Variants in CLNK observed in about 807,000 individuals in gnomAD.
The protein encoded by CLNK is cytokine dependent hematopoietic cell linker.
CLNK carries 74 observed loss-of-function variants against 68.6 expected under a neutral mutation model. The observed-to-expected ratio is 1.08, with a 90% CI of 0.89 to 1.31. CLNK has a LOEUF of 1.31. Ranked by LOEUF, CLNK falls within the 50% of genes most tolerant of loss-of-function variation. The probability of loss-of-function intolerance (pLI) is 0.00; values close to 1 mark genes in which losing one functional copy is unlikely to be tolerated. For missense variants in CLNK, 553 were observed against 515.3 expected (o/e 1.07, Z -0.71); for synonymous variants, 198 against 172.2 (o/e 1.15, Z -1.17).
At chr4:10,499,252 G>A (rs531105584) in intron 18 of CLNK, among the ~76,000 whole-genome samples, 2 of 152,338 alleles carry the variant, frequency 1.3e-5, no homozygotes, top group South Asian at 2.1e-4. Context: ...GACAGGGGCA[G>A]GACTTGTGTC....
At chr4:10,687,798 C>T (rs957027642), upstream of CLNK, among the ~76,000 whole-genome samples, 20 of 152,272 alleles carry the variant, frequency 1.3e-4, no homozygotes, top group South Asian at 1.2e-3. Context: ...GACTCCCTTG[C>T]GTTCATCTTC....
At chr4:10,647,228 T>G (rs1477316335) in intron 2 of CLNK, among the ~76,000 whole-genome samples, 1 of 152,178 alleles carries the variant, frequency 6.6e-6, no homozygotes, top group Non-Finnish European at 1.5e-5. Context: ...GATCATTCAT[T>G]TTCTCAACCA....
intron 14 of CLNK, among the ~76,000 whole-genome samples, chr4:10,524,446 AAGTC>A (rs1718218895): frequency 6.6e-6 from 1 of 152,192 alleles, no homozygotes; most frequent in African/African-American, 2.4e-5. Context: ...ACTGCTGAAA[AAGTC>A]AGGCAGCCTG....
chr4:10,520,725 A>G (rs1473529309), intron 15 of CLNK, 66 bp downstream of exon 15: 1 of 1,245,444 alleles, frequency 8.0e-7, no homozygotes, highest in African/African-American at 1.5e-5. Flanking sequence ...CAGCTAAGTC[A>G]CAGTGCCACA....
intron 5 of CLNK, among the ~76,000 whole-genome samples, chr4:10,566,803 G>A (rs1281898830): frequency 6.6e-6 from 1 of 152,122 alleles, no homozygotes; most frequent in Non-Finnish European, 1.5e-5. Flanking sequence ...GGGCAACAGA[G>A]TGAGACCTCA....
chr4:10,733,091 A>G, the CLNK span, among the ~76,000 whole-genome samples: 18 of 152,154 alleles, frequency 1.2e-4, no homozygotes, highest in African/African-American at 4.3e-4. Flanking sequence ...CCTTTCGGTT[A>G]TAGCTGTCAA....
chr4:10,669,102 C>T (rs866565258), intron 1 of CLNK, among the ~76,000 whole-genome samples: 5 of 152,154 alleles, frequency 3.3e-5, no homozygotes, highest in African/African-American at 4.8e-5. Context: ...ACTGAGCCTT[C>T]GGCATTTTTA....
intron 16 of CLNK, among the ~76,000 whole-genome samples, chr4:10,509,929 T>C (rs1307638577): frequency 6.6e-6 from 1 of 152,176 alleles, no homozygotes; most frequent in African/African-American, 2.4e-5. Flanking sequence ...CAAAGCCACG[T>C]GACAGGCTCT....
At chr4:10,554,053 T>TAA (rs894615612) in intron 8 of CLNK, among the ~76,000 whole-genome samples, 2 of 152,140 alleles carry the variant, frequency 1.3e-5, no homozygotes, top group Non-Finnish European at 2.9e-5. Flanking sequence ...TTTTAAAACT[T>TAA]AACAAAATAA....
chr4:10,696,221 T>A, the CLNK span, among the ~76,000 whole-genome samples: 4 of 152,096 alleles, frequency 2.6e-5, no homozygotes, highest in African/African-American at 4.8e-5. Flanking sequence ...ATCAGATGGG[T>A]CTCGTGTGCC....
At chr4:10,502,538 T>G (rs1404573633) in intron 17 of CLNK, among the ~76,000 whole-genome samples, 1 of 151,906 alleles carries the variant, frequency 6.6e-6, no homozygotes, top group Non-Finnish European at 1.5e-5. Flanking sequence ...TGCCCCCTTC[T>G]TGATGTATTC....
In CLNK at chr4:10,561,661, C is replaced by T. The variant is rs16869857; in HGVS notation, c.399+3010G>A. Among the ~76,000 whole-genome samples, 939 of 152,298 alleles carry T rather than the reference C, an allele frequency of 6.2e-3. 12 individuals are homozygous for T. Among genetic ancestry groups the T allele is most frequent in the African/African-American group, 0.022 (907 of 41,546 alleles). On this transcript the variant is annotated intron_variant, in intron 7 of 18. Coordinates refer to ENST00000226951, the MANE Select transcript of CLNK (RefSeq NM_052964.4). Reference sequence around the variant, plus strand: ...CTCTGGAATTCTCATTTCCTGGCCACGCTTTATGCTCTGGTGATGAGTGCC... The same window carrying T: ...CTCTGGAATTCTCATTTCCTGGCCATGCTTTATGCTCTGGTGATGAGTGCC...
chr4:10,565,934 C>T lies in CLNK; in HGVS notation c.292+75G>A, dbSNP rs534223953. On this transcript the variant is annotated intron_variant, in intron 6 of 18. Transcript: ENST00000226951. ...ACCTAGGGTTGTTTAATTCAGAAAC[C>T]GCACCTTTAAATAGTGTGCAATATG... 66 of 1,477,304 alleles carry T rather than the reference C, an allele frequency of 4.5e-5. No individual in the cohort carries two copies. The Admixed American group carries it at 7.6e-4, about 17-fold the overall frequency. 91.5% of individuals were successfully genotyped at this position (1,477,304 alleles called of 1,614,324 possible). A position where few individuals can be genotyped will look rare whatever the true frequency, so the allele number is the denominator to read the frequency against.
chr4:10,521,480 T>A (rs2109047580), intron 14 of CLNK, among the ~76,000 whole-genome samples: 1 of 152,350 alleles, frequency 6.6e-6, no homozygotes, highest in Non-Finnish European at 1.5e-5. Context: ...ATCATCAACA[T>A]AAGCTCCAGG....
chr4:10,533,407 G>A (rs1194425713), intron 11 of CLNK, among the ~76,000 whole-genome samples: 2 of 152,224 alleles, frequency 1.3e-5, no homozygotes, highest in East Asian at 1.9e-4. Context: ...TGAAAACACT[G>A]GATCTGAAGA....
rs556262585 is a variant in CLNK, at chr4:10,566,544, A to C, written c.151-394T>G. Among the ~76,000 whole-genome samples, 3 of 152,370 alleles carry C rather than the reference A, an allele frequency of 2.0e-5. No homozygotes were observed. The South Asian group carries it at 6.2e-4, about 32-fold the overall frequency. On this transcript the variant is annotated intron_variant, in intron 5 of 18. Coordinates refer to ENST00000226951, the MANE Select transcript of CLNK (RefSeq NM_052964.4). Reference sequence around the variant, plus strand: ...AATAAGATAATCTTGTATTTGAAGAATTCACTAAAAAATTATTAGAACTAA... The same window carrying C: ...AATAAGATAATCTTGTATTTGAAGACTTCACTAAAAAATTATTAGAACTAA...
intron 2 of CLNK, among the ~76,000 whole-genome samples, chr4:10,653,417 A>C (rs1032547582): frequency 4.6e-5 from 7 of 152,174 alleles, no homozygotes; most frequent in African/African-American, 1.7e-4. Context: ...AAGCTTATAG[A>C]CTATTTTTTA....
At chr4:10,606,484 GTA>G (rs1443614445) in intron 2 of CLNK, among the ~76,000 whole-genome samples, 1 of 151,764 alleles carries the variant, frequency 6.6e-6, no homozygotes, top group East Asian at 1.9e-4. Context: ...ACAATAAAAA[GTA>G]TAGTCTAGTA....
chr4:10,524,016 GA>G, intron 14 of CLNK: 1 of 196,782 alleles, frequency 5.1e-6, no homozygotes. Flanking sequence ...CTGTCTCAAA[GA>G]AAAAGAAAGA....
Sources: gnomAD v4.1 joint callset for allele counts (sites outside exome capture counted in the v4.1 genomes callset) on GRCh38, gnomAD v4.1.1 for gene constraint, MANE v1.5 for transcripts, NCBI Gene and HGNC (gene_info 2026-07-23, HGNC 2026-07-21) for gene names.